The following LEMD3 variants were observed in gnomAD, a reference collection of about 807,000 sequenced individuals.
LEMD3 encodes the protein LEM domain containing 3, also known as inner nuclear membrane protein Man1.
A neutral mutation model predicts 95.2 loss-of-function variants in LEMD3; 33 were observed. The observed-to-expected ratio is 0.35, with a 90% CI of 0.26 to 0.46. The LOEUF (loss-of-function observed/expected upper bound fraction) is 0.46, where lower values mean the gene tolerates loss of function less well. LEMD3 is among the 20% of genes least tolerant of loss of function. The pLI is 1.00. For synonymous variants in LEMD3, 525 were observed against 474.6 expected (o/e 1.11, Z -1.38); for missense variants, 1,210 against 1,192.8 (o/e 1.01, Z -0.21).
Position 65,170,115 on chromosome 12 carries a change from G to A in LEMD3, c.519G>A (p.Pro173=). ...ASLQYRGLKA[P]PAPLAASEVT... ...TCCAGTACCGCGGGCTCAAAGCGCC[G>A]CCGGCGCCCCTGGCCGCCAGCGAGG... Residue 173 remains proline (P), a synonymous_variant, in exon 1 of 13, where the codon CCG becomes CCA. Transcript: ENST00000308330. 4 of 1,459,480 alleles carry A rather than the reference G, an allele frequency of 2.7e-6. No individual in the cohort carries two copies. The highest frequency in any genetic ancestry group is 1.4e-5 in the South Asian group (1 of 70,110). The allele number at this position is 1,459,480 out of a possible 1,614,324, so 90.4% of individuals were successfully genotyped here.
At chr12:65,236,328 G>A (rs146406088) in intron 4 of LEMD3, among the ~76,000 whole-genome samples, 1,796 of 152,254 alleles carry the variant, frequency 0.012, 17 homozygotes, top group Non-Finnish European at 0.021. Flanking sequence ...GATCACTTGA[G>A]GCCAGCAGTT....
At chr12:65,179,952 T>G (rs1868848408) in intron 1 of LEMD3, among the ~76,000 whole-genome samples, 1 of 152,198 alleles carries the variant, frequency 6.6e-6, no homozygotes, top group Admixed American at 6.5e-5. Flanking sequence ...TATTTATTTT[T>G]TATTTTTTTG....
chr12:65,210,095 C>T (rs548423801), intron 1 of LEMD3, among the ~76,000 whole-genome samples: 37 of 149,242 alleles, frequency 2.5e-4, no homozygotes, highest in African/African-American at 8.2e-4. Flanking sequence ...CATATTCAGC[C>T]GTAAACATTT....
chr12:65,174,531 A>G (rs1165223693), intron 1 of LEMD3, among the ~76,000 whole-genome samples: 2 of 152,294 alleles, frequency 1.3e-5, no homozygotes, highest in East Asian at 3.9e-4. Flanking sequence ...TGAAGGAAAC[A>G]GTGAATGGTT....
At chr12:65,220,780 T>A (rs1870261200) in intron 4 of LEMD3, among the ~76,000 whole-genome samples, 4 of 152,204 alleles carry the variant, frequency 2.6e-5, no homozygotes, top group African/African-American at 7.2e-5. Context: ...TTGATTCTGT[T>A]GCATGTGGAA....
chr12:65,191,596 T>C (rs1037599572), intron 1 of LEMD3, among the ~76,000 whole-genome samples: 1 of 152,142 alleles, frequency 6.6e-6, no homozygotes, highest in African/African-American at 2.4e-5. Flanking sequence ...TGAGATATTC[T>C]AGGAATCCCC....
chr12:65,238,495 T>A lies in LEMD3; in HGVS notation c.1696-7T>A. ...GAATAGTTATTTTTCTCTATTTTTCTTGTTAGGATTTAGGTCCTGAATATG... is the reference window on the plus strand; with the variant it reads ...GAATAGTTATTTTTCTCTATTTTTCATGTTAGGATTTAGGTCCTGAATATG... On this transcript the variant is annotated splice_polypyrimidine_tract_variant and splice_region_variant and intron_variant, in intron 4 of 12. Transcript: ENST00000308330. 6.4e-7 allele frequency: 1 copy of A among 1,554,348 alleles called. No individual in the cohort carries two copies. Among genetic ancestry groups the A allele is most frequent in the South Asian group, 1.1e-5 (1 of 89,702 alleles).
Position 65,242,854 on chromosome 12 carries a change from A to G in LEMD3, c.2306-534A>G, listed in dbSNP as rs1870976795. ...CCTATTCTACTCCTTAAAACAGTTG[A>G]GTGGCTATTACTCTTACCATAATGC... On this transcript the variant is annotated intron_variant, in intron 9 of 12. Transcript: ENST00000308330. Among the ~76,000 whole-genome samples the G allele has an allele frequency of 3.3e-5, 5 of 152,184 alleles. No individual in the cohort carries two copies. In the South Asian group the frequency reaches 1.0e-3, roughly 31 times the overall value.
intron 4 of LEMD3, among the ~76,000 whole-genome samples, chr12:65,223,833 C>CTTTTTT (rs71278238): frequency 1.6e-5 from 2 of 125,696 alleles, no homozygotes; most frequent in Non-Finnish European, 3.3e-5. Flanking sequence ...TTTTTTGTGT[C>CTTTTTT]TTTTTTTTTT....
At chr12:65,194,817 C>CTTTAGATTATAA (rs1869362751) in intron 1 of LEMD3, among the ~76,000 whole-genome samples, 2 of 10,438 alleles carry the variant, frequency 1.9e-4, no homozygotes, top group East Asian at 0.01. Flanking sequence ...CTTAATTATA[C>CTTTAGATTATAA]TTTAGATTAT....
chr12:65,170,081 G>C lies in LEMD3; in HGVS notation c.485G>C (p.Arg162Pro). 1 of 1,484,590 alleles carries C rather than the reference G, an allele frequency of 6.7e-7. No individual in the cohort carries two copies. Among genetic ancestry groups the C allele is most frequent in the East Asian group, 2.6e-5 (1 of 38,332 alleles). The allele number at this position is 1,484,590 out of a possible 1,614,324, so 92.0% of individuals were successfully genotyped here. ...DQAGGGGRKD[R>P]ASLQYRGLKA... ...GCCGGCGGCGGCGGGAGGAAAGACC[G>C]GGCTTCGCTCCAGTACCGCGGGCTC... The change falls in exon 1 of 13, where the codon CGG becomes CCG. Residue 162 changes from arginine (R) to proline (P), a missense_variant. Arg to Pro is a moderately radical substitution (Grantham distance 103). Transcript: ENST00000308330.
At chr12:65,180,989 A>AACACACACACACACACAC (rs71096029) in intron 1 of LEMD3, among the ~76,000 whole-genome samples, 71 of 149,276 alleles carry the variant, frequency 4.8e-4, no homozygotes, top group African/African-American at 1.6e-3. Context: ...TATGTACACA[A>AACACACACACACACACAC]ACACACACAC....
intron 3 of LEMD3, among the ~76,000 whole-genome samples, chr12:65,216,838 C>T (rs1870125580): frequency 6.6e-6 from 1 of 152,078 alleles, no homozygotes; most frequent in Admixed American, 6.6e-5. Context: ...CCTCTGATCT[C>T]TCTTTGTTTT....
At chr12:65,200,298 G>A (rs1869559543) in intron 1 of LEMD3, among the ~76,000 whole-genome samples, 1 of 152,110 alleles carries the variant, frequency 6.6e-6, no homozygotes, top group African/African-American at 2.4e-5. Context: ...TTACACCCCA[G>A]AAAATTCTGT....
rs1282253843 is a variant in LEMD3, at chr12:65,170,106, C to T, written c.510C>T (p.Leu170=). The T allele has an allele frequency of 2.7e-6, 4 of 1,458,954 alleles. No homozygotes were observed. Among genetic ancestry groups the T allele is most frequent in the Non-Finnish European group, 1.8e-6 (2 of 1,112,876 alleles). 90.4% of individuals were successfully genotyped at this position (1,458,954 alleles called of 1,614,324 possible). ...KDRASLQYRG[L]KAPPAPLAAS... is the part of the protein sequence containing the mutation. Reference sequence around the variant, plus strand: ...GGGCTTCGCTCCAGTACCGCGGGCTCAAAGCGCCGCCGGCGCCCCTGGCCG... The same window carrying T: ...GGGCTTCGCTCCAGTACCGCGGGCTTAAAGCGCCGCCGGCGCCCCTGGCCG... Residue 170 remains leucine (L), a synonymous_variant, in exon 1 of 13, where the codon CTC becomes CTT. Transcript: ENST00000308330.
intron 1 of LEMD3, among the ~76,000 whole-genome samples, chr12:65,174,831 A>T (rs765308678): frequency 6.6e-6 from 1 of 152,204 alleles, no homozygotes; most frequent in Admixed American, 6.5e-5. Flanking sequence ...TAAGAATTTC[A>T]CATAATGGTA....
intron 4 of LEMD3, among the ~76,000 whole-genome samples, chr12:65,229,466 C>T (rs1592457611): frequency 6.6e-6 from 1 of 152,260 alleles, no homozygotes; most frequent in Middle Eastern, 3.4e-3. Context: ...ATACTATGTT[C>T]TGCAATGCCT....
At chr12:65,236,823 G>A (rs1309297933) in intron 4 of LEMD3, among the ~76,000 whole-genome samples, 2 of 151,700 alleles carry the variant, frequency 1.3e-5, no homozygotes, top group African/African-American at 2.4e-5. Flanking sequence ...AAAAAAATAG[G>A]GTTTTTTCCA....
chr12:65,199,303 A>G (rs561235000), intron 1 of LEMD3, among the ~76,000 whole-genome samples: 2 of 151,982 alleles, frequency 1.3e-5, no homozygotes, highest in Admixed American at 1.3e-4. Flanking sequence ...CTATTTTGGT[A>G]TTTTCTGGAT....
Sources: allele counts gnomAD v4.1 joint callset (sites outside exome capture counted in the v4.1 genomes callset), GRCh38; gene constraint gnomAD v4.1.1; transcripts MANE v1.5; gene names NCBI Gene and HGNC (gene_info 2026-07-23, HGNC 2026-07-21).